Variants in SNTA1 observed in about 807,000 individuals in gnomAD.
SNTA1 encodes the protein alpha-1-syntrophin.
SNTA1 carries 31 observed loss-of-function variants against 47.1 expected under a neutral mutation model. The ratio of observed to expected loss-of-function variants is 0.66; its 90% CI spans 0.49 to 0.89. SNTA1 has a LOEUF of 0.89. SNTA1 is among the 40% of genes least tolerant of loss of function. The probability of loss-of-function intolerance (pLI) is 0.00; values close to 1 mark genes in which losing one functional copy is unlikely to be tolerated. For synonymous variants in SNTA1, 300 were observed against 313.6 expected (o/e 0.96, Z 0.46); for missense variants, 575 against 693.0 (o/e 0.83, Z 1.91).
chr20:33,438,759 G>A, intron 2 of SNTA1, 82 bp downstream of exon 2: 1 of 1,177,656 alleles, frequency 8.5e-7, no homozygotes, highest in Non-Finnish European at 1.3e-6. Context: ...CTGGGATGGG[G>A]CCTTCTGAGG....
At chr20:33,410,375 G>A in intron 5 of SNTA1, 44 bp from the exon 6 acceptor site, 1 of 1,335,952 alleles carries the variant, frequency 7.5e-7, no homozygotes, top group Non-Finnish European at 1.1e-6. Context: ...CCTCAGGCCG[G>A]AGGCAAATAG....
intron 3 of SNTA1, among the ~76,000 whole-genome samples, chr20:33,414,274 A>G (rs1450601221): frequency 1.5e-5 from 2 of 133,640 alleles, no homozygotes; most frequent in Non-Finnish European, 3.2e-5. Flanking sequence ...AAAAAAAAAC[A>G]GAAAAACAAA....
chr20:33,440,155 TAAAC>T (rs1172466478), intron 1 of SNTA1, among the ~76,000 whole-genome samples: 11 of 149,140 alleles, frequency 7.4e-5, no homozygotes, highest in Admixed American at 1.3e-4. Flanking sequence ...AATAAAAAAA[TAAAC>T]AAATAAAAAA....
At chr20:33,430,624 C>T (rs564497971) in intron 2 of SNTA1, among the ~76,000 whole-genome samples, 2 of 151,792 alleles carry the variant, frequency 1.3e-5, no homozygotes, top group Admixed American at 6.6e-5. Flanking sequence ...AGAGAAGTGA[C>T]ATAACCTGTA....
At chr20:33,427,214 A>G (rs962902805) in intron 2 of SNTA1, among the ~76,000 whole-genome samples, 12 of 152,176 alleles carry the variant, frequency 7.9e-5, no homozygotes, top group Admixed American at 2.6e-4. Flanking sequence ...GTGTGACAGT[A>G]TAAGGGGATA....
intron 2 of SNTA1, among the ~76,000 whole-genome samples, chr20:33,419,764 A>T (rs1989974143): frequency 6.6e-6 from 1 of 152,120 alleles, no homozygotes; most frequent in Non-Finnish European, 1.5e-5. Flanking sequence ...AATCATGATC[A>T]TTCCATCCTT....
rs1295164602 is a variant in SNTA1 at position 33,408,297 on chromosome 20, G to C, written c.*210C>G. ...ACTGGTGGAGGGGGGCAGCAGGAAGGCCACCCCATCACAGGCAGAGTCCAC... is the reference window on the plus strand; with the variant it reads ...ACTGGTGGAGGGGGGCAGCAGGAAGCCCACCCCATCACAGGCAGAGTCCAC... On this transcript the variant is annotated 3_prime_UTR_variant, in exon 8 of 8. Transcript: ENST00000217381. 5 of 606,124 alleles carry C rather than the reference G, an allele frequency of 8.2e-6. No individual in the cohort carries two copies. The Admixed American group carries it at 1.1e-4, about 13-fold the overall frequency. The allele number at this position is 606,124 out of a possible 1,614,324, so 37.5% of individuals were successfully genotyped here.
intron 7 of SNTA1, 36 bp from the exon 8 acceptor site, chr20:33,408,635 G>C: frequency 6.2e-7 from 1 of 1,609,762 alleles, no homozygotes. Context: ...CAGGGCCCTG[G>C]CCAGCCTGGC....
chr20:33,421,632 TA>T (rs915680550), intron 2 of SNTA1, among the ~76,000 whole-genome samples: 2 of 144,236 alleles, frequency 1.4e-5, no homozygotes, highest in African/African-American at 5.1e-5. Context: ...ATAATAAAAA[TA>T]AAAAATAATA....
chr20:33,440,275 G>A (rs2146810120), intron 1 of SNTA1, among the ~76,000 whole-genome samples: 1 of 151,934 alleles, frequency 6.6e-6, no homozygotes, highest in African/African-American at 2.4e-5. Flanking sequence ...GGCCAACATG[G>A]CAAAACCCCA....
At chr20:33,437,695 C>T (rs961763544) in intron 2 of SNTA1, among the ~76,000 whole-genome samples, 4 of 152,214 alleles carry the variant, frequency 2.6e-5, no homozygotes, top group Non-Finnish European at 5.9e-5. Context: ...CCCCCGCCAC[C>T]TCCCTGTGCC....
chr20:33,432,935 A>T (rs541905409), intron 2 of SNTA1, among the ~76,000 whole-genome samples: 18 of 147,542 alleles, frequency 1.2e-4, no homozygotes, highest in African/African-American at 4.2e-4. Context: ...CACTTTATTA[A>T]TTTTTTTTTT....
At chr20:33,435,238 C>T (rs931220807) in intron 2 of SNTA1, among the ~76,000 whole-genome samples, 4 of 150,504 alleles carry the variant, frequency 2.7e-5, no homozygotes, top group African/African-American at 7.3e-5. Context: ...GTGATCCACC[C>T]GCCTCAGCCT....
intron 2 of SNTA1, among the ~76,000 whole-genome samples, chr20:33,426,390 G>A (rs1476121977): frequency 6.6e-6 from 1 of 150,568 alleles, no homozygotes; most frequent in African/African-American, 2.5e-5. Context: ...GGCAGAGGTT[G>A]CAGTGAGCCA....
intron 2 of SNTA1, 148 bp from the exon 3 acceptor site, chr20:33,418,071 T>C (rs2146773459): frequency 1.6e-6 from 1 of 623,756 alleles, no homozygotes; most frequent in Non-Finnish European, 2.8e-6. Flanking sequence ...AACAAATTCT[T>C]CTAAGTTAAA....
chr20:33,423,213 C>T (rs1056546132), intron 2 of SNTA1, among the ~76,000 whole-genome samples: 1 of 152,226 alleles, frequency 6.6e-6, no homozygotes, highest in Non-Finnish European at 1.5e-5. Flanking sequence ...GGACAGCATA[C>T]CAGCTGATGC....
chr20:33,436,920 C>T (rs1470489120), intron 2 of SNTA1, among the ~76,000 whole-genome samples: 1 of 147,406 alleles, frequency 6.8e-6, no homozygotes, highest in Non-Finnish European at 1.5e-5. Context: ...GAGCCAAGAT[C>T]GCGCCACTGC....
rs142014307 is a variant in SNTA1, at chr20:33,416,714, G to A, written c.701+1005C>T. On this transcript the variant is annotated intron_variant, in intron 3 of 7. Coordinates refer to ENST00000217381, the MANE Select transcript of SNTA1 (RefSeq NM_003098.3). ...CCAGCACTTTGGGAGGCTGAGGCGGGGGAATCACCTGAGGTCAGGAGTTCG... is the reference window on the plus strand; with the variant it reads ...CCAGCACTTTGGGAGGCTGAGGCGGAGGAATCACCTGAGGTCAGGAGTTCG... 8.6e-3 allele frequency among the ~76,000 whole-genome samples: 1,312 copies of A among 152,166 alleles called. 11 individuals carry two copies. The highest frequency in any genetic ancestry group is 0.029 in the African/African-American group (1,197 of 41,516).
chr20:33,437,160 G>A (rs1453621743), intron 2 of SNTA1, among the ~76,000 whole-genome samples: 1 of 151,682 alleles, frequency 6.6e-6, no homozygotes, highest in African/African-American at 2.4e-5. Flanking sequence ...CTACTCAGGA[G>A]GCGGAGGCAG....
Sources: gnomAD v4.1 joint callset for allele counts (sites outside exome capture counted in the v4.1 genomes callset) on GRCh38, gnomAD v4.1.1 for gene constraint, MANE v1.5 for transcripts, NCBI Gene and HGNC (gene_info 2026-07-23, HGNC 2026-07-21) for gene names.